SPATA20: variants seen among roughly 807,000 people sequenced by gnomAD.
The protein encoded by SPATA20 is spermatogenesis associated 20.
A neutral mutation model predicts 98.9 loss-of-function variants in SPATA20; 74 were observed. The observed-to-expected ratio is 0.75, with a 90% CI of 0.62 to 0.91. The LOEUF (loss-of-function observed/expected upper bound fraction) is 0.91. Among genes scored for constraint, SPATA20 ranks in the 40% least tolerant of loss-of-function variants. The pLI is 0.00. For missense variants in SPATA20, 1,016 were observed against 1,069.8 expected (o/e 0.95, Z 0.70); for synonymous variants, 430 against 440.5 (o/e 0.98, Z 0.30).
Position 50,548,570 on chromosome 17 carries a change from G to A in SPATA20, c.313G>A (p.Glu105Lys). 3.1e-6 allele frequency: 5 copies of A among 1,613,682 alleles called. No homozygotes were observed. The highest frequency in any genetic ancestry group is 4.2e-6 in the Non-Finnish European group (5 of 1,179,868). Residue 105 changes from glutamate (E) to lysine (K), a missense_variant, in exon 4 of 17, where the codon GAA becomes AAA. Coordinates refer to ENST00000006658, the MANE Select transcript of SPATA20 (RefSeq NM_022827.4). ...NPVDWYPWGQ[E>K]AFDKARKENK... ...TGGGTCTAGGTACCCCTGGGGACAGGAAGCCTTCGACAAGGCCAGGAAGGA... is the reference window on the plus strand; with the variant it reads ...TGGGTCTAGGTACCCCTGGGGACAGAAAGCCTTCGACAAGGCCAGGAAGGA...
intron 14 of SPATA20, among the ~76,000 whole-genome samples, chr17:50,552,908 G>A (rs2035038737): frequency 6.6e-6 from 1 of 152,220 alleles, no homozygotes; most frequent in East Asian, 1.9e-4. Context: ...CAGGGTTGAT[G>A]TAAAGATGAA....
rs8077323 is a variant in SPATA20, at chr17:50,549,037, C to T, written c.517-6C>T. On this transcript the variant is annotated splice_polypyrimidine_tract_variant and splice_region_variant and intron_variant, in intron 5 of 16. Coordinates refer to ENST00000006658, the MANE Select transcript of SPATA20 (RefSeq NM_022827.4). ...GCTCCCCTCACCCTCGCCCTCTCTC[C>T]GCCAGGCCACCAGCAGCGGCGGGGG... 0.26 allele frequency: 413,284 copies of T among 1,613,096 alleles called. 60,973 individuals carry two copies. Among genetic ancestry groups the T allele is most frequent in the African/African-American group, 0.63 (47,073 of 74,728 alleles).
At chr17:50,547,999 A>C in intron 2 of SPATA20, 1 of 1,479,944 alleles carries the variant, frequency 6.8e-7, no homozygotes, top group Non-Finnish European at 8.9e-7. Flanking sequence ...CATTCTGCCC[A>C]TTGTGACCCG....
intron 7 of SPATA20, among the ~76,000 whole-genome samples, chr17:50,549,718 G>T (rs198534): frequency 0.021 from 3,143 of 152,310 alleles, 58 homozygotes; most frequent in Non-Finnish European, 0.034. Flanking sequence ...CTTGGTCAGT[G>T]ACCCAGTGAC....
chr17:50,552,221 G>A (rs755786790), intron 14 of SPATA20, 41 bp downstream of exon 14: 35 of 1,572,948 alleles, frequency 2.2e-5, no homozygotes, highest in South Asian at 1.9e-4. Flanking sequence ...CCTGGGAGGT[G>A]TAAGTGCAGC....
rs764869588 is a variant in SPATA20 at position 50,548,888 on chromosome 17, G to T, written c.440G>T (p.Ser147Ile). ...AATGAGGAGATTGGCCGCCTGCTCA[G>T]TGAGGACTTTGTGAGTGTGAAGGTA... is the stretch of plus-strand genomic sequence containing the variant. ...FQNEEIGRLL[S>I]EDFVSVKVDR... is the part of the protein sequence containing the mutation. Residue 147 changes from serine to isoleucine, a missense_variant, in exon 5 of 17, where the codon AGT (serine) becomes ATT (isoleucine). Ser to Ile is a moderately radical substitution (Grantham distance 142, BLOSUM62 -2). Coordinates refer to ENST00000006658, the MANE Select transcript of SPATA20 (RefSeq NM_022827.4). The T allele has an allele frequency of 2.5e-6, 4 of 1,614,166 alleles. No individual in the cohort carries two copies. In the South Asian group the frequency reaches 4.4e-5, roughly 18 times the overall value.
chr17:50,552,745 G>C (rs1318120449), intron 14 of SPATA20, among the ~76,000 whole-genome samples: 1 of 145,168 alleles, frequency 6.9e-6, no homozygotes, highest in Non-Finnish European at 1.5e-5. Flanking sequence ...GTAGAGATGG[G>C]ATTTCTCCAT....
rs1441244493 is a variant in SPATA20 at position 50,547,204 on chromosome 17, C to T, written c.-5C>T. 25 of 1,426,988 alleles carry T rather than the reference C, an allele frequency of 1.8e-5. No homozygotes were observed. Among genetic ancestry groups the T allele is most frequent in the African/African-American group, 3.0e-5 (2 of 66,374 alleles). 88.4% of individuals were successfully genotyped at this position (1,426,988 alleles called of 1,614,324 possible). A position where few individuals can be genotyped will look rare whatever the true frequency, so the allele number is the denominator to read the frequency against. On this transcript the variant is annotated 5_prime_UTR_variant, in exon 1 of 17. Transcript: ENST00000006658. ...CAGCGGCCGGGCCCACGGCCCCGAG[C>T]AGCCATGCTGGGCGCGCGGGCCTGG...
chr17:50,551,239 C>T (rs764779116), intron 12 of SPATA20, 49 bp downstream of exon 12: 13 of 1,515,004 alleles, frequency 8.6e-6, no homozygotes, highest in Non-Finnish European at 9.0e-7. Flanking sequence ...TCCCCCTTCA[C>T]AAAGCCCCTG....
rs769217402 is a variant in SPATA20 at position 50,551,566 on chromosome 17, G to A, written c.1632G>A (p.Leu544=). The A allele has an allele frequency of 6.2e-7, 1 of 1,606,492 alleles. No homozygotes were observed. Among genetic ancestry groups the A allele is most frequent in the Admixed American group, 1.7e-5 (1 of 59,918 alleles). ...GGGCTGTCCTGGGCCAAGACAGGCT[G>A]ATCAACTATGCCACCAATGGTGCCA... is the stretch of plus-strand genomic sequence containing the variant. ...VTGAVLGQDR[L]INYATNGAKF... is the part of the protein sequence containing the mutation. The change falls in exon 13 of 17, where the codon CTG becomes CTA. Residue 544 remains leucine (L), a synonymous_variant. Coordinates refer to ENST00000006658, the MANE Select transcript of SPATA20 (RefSeq NM_022827.4).
intron 13 of SPATA20, 83 bp downstream of exon 13, chr17:50,551,762 G>T (rs1446328910): frequency 6.9e-7 from 1 of 1,451,298 alleles, no homozygotes. Context: ...CCTCCATGTG[G>T]ACTCCAGTCC....
At position 50,547,271 on chromosome 17, in the gene SPATA20, C is replaced by T. The variant is rs1197467323; in HGVS notation, c.63C>T (p.Leu21=). ...VLLLPRAGAG[L]AASRRCPGVW... is the part of the protein sequence containing the mutation. ...TGCTGCCCCGCGCCGGTGCAGGCCT[C>T]GCCGCGAGCCGCAGGTACGGGCGGG... The change falls in exon 1 of 17, where the codon CTC becomes CTT. Residue 21 remains leucine (L), a synonymous_variant. Transcript: ENST00000006658. 5.8e-6 allele frequency: 8 copies of T among 1,381,682 alleles called. No homozygotes were observed. The highest frequency in any genetic ancestry group is 7.4e-6 in the Non-Finnish European group (8 of 1,075,968). 85.6% of individuals were successfully genotyped at this position (1,381,682 alleles called of 1,614,324 possible). A position where few individuals can be genotyped will look rare whatever the true frequency, so the allele number is the denominator to read the frequency against.
chr17:50,555,286 G>A lies in SPATA20; in HGVS notation c.2212G>A (p.Val738Ile), dbSNP rs556189086. The change falls in exon 16 of 17, where the codon GTC becomes ATC. Residue 738 changes from valine to isoleucine, a missense_variant. By Grantham distance (29) the Val-to-Ile change is conservative (BLOSUM62 3). Transcript: ENST00000006658. ...AKDTKALVQCVHSVYIPNKVL... is the reference protein window; with the variant it reads ...AKDTKALVQCIHSVYIPNKVL... ...GGACACCAAGGCCCTGGTGCAGTGC[G>A]TCCACTCTGTCTACATTCCTAACAA... The A allele has an allele frequency of 1.9e-5, 30 of 1,613,922 alleles. No homozygotes were observed. The highest frequency in any genetic ancestry group is 2.7e-5 in the African/African-American group (2 of 74,968).
At chr17:50,552,565 C>CTTTTTT (rs36121212) in intron 14 of SPATA20, among the ~76,000 whole-genome samples, 1 of 128,628 alleles carries the variant, frequency 7.8e-6, no homozygotes, top group African/African-American at 2.9e-5. Context: ...CTTTCTTTCT[C>CTTTTTT]TTTTTTTTTT....
chr17:50,551,882 T>C, intron 13 of SPATA20, 87 bp from the exon 14 acceptor site: 1 of 1,333,152 alleles, frequency 7.5e-7, no homozygotes, highest in Non-Finnish European at 1.0e-6. Flanking sequence ...GAGGGTTAAG[T>C]GAACAAATGC....
At chr17:50,553,884 C>T (rs1001316239) in intron 14 of SPATA20, among the ~76,000 whole-genome samples, 1 of 152,080 alleles carries the variant, frequency 6.6e-6, no homozygotes, top group African/African-American at 2.4e-5. Context: ...TGGATCTCTT[C>T]TGGCCACAGC....
intron 7 of SPATA20, 72 bp from the exon 8 acceptor site, chr17:50,549,913 G>T: frequency 6.7e-7 from 1 of 1,494,866 alleles, no homozygotes; most frequent in Non-Finnish European, 8.9e-7. Context: ...CTGGCCCAAG[G>T]CCTCCTGACC....
chr17:50,551,686 G>A lies in SPATA20; in HGVS notation c.1745+7G>A, dbSNP rs780306184. The A allele has an allele frequency of 6.3e-7, 1 of 1,584,778 alleles. No individual in the cohort carries two copies. The highest frequency in any genetic ancestry group is 1.1e-5 in the South Asian group (1 of 90,312). On this transcript the variant is annotated splice_region_variant and intron_variant, in intron 13 of 16. Coordinates refer to ENST00000006658, the MANE Select transcript of SPATA20 (RefSeq NM_022827.4). ...GGGGGACTGTGGAGCACAGGTTGGG[G>A]GCTGGGTAGACCGGGAGGGCCCGTC... is the stretch of plus-strand genomic sequence containing the variant.
intron 14 of SPATA20, among the ~76,000 whole-genome samples, chr17:50,553,063 A>G (rs1452096999): frequency 6.6e-6 from 1 of 152,232 alleles, no homozygotes; most frequent in Non-Finnish European, 1.5e-5. Flanking sequence ...GCAAAAACAC[A>G]TGCACAAATG....
Sources: allele counts gnomAD v4.1 joint callset (sites outside exome capture counted in the v4.1 genomes callset), GRCh38; gene constraint gnomAD v4.1.1; transcripts MANE v1.5; gene names NCBI Gene and HGNC (gene_info 2026-07-23, HGNC 2026-07-21).